Variants in CFAP298 observed in about 807,000 individuals in gnomAD.
CFAP298 encodes the protein cilia and flagella associated protein 298.
Under a neutral mutation model 41.0 loss-of-function variants are expected in CFAP298, and 38 were observed. The ratio of observed to expected loss-of-function variants is 0.93; its 90% CI spans 0.72 to 1.22. The LOEUF (loss-of-function observed/expected upper bound fraction) is 1.22, where lower values mean the gene tolerates loss of function less well. CFAP298 is among the 50% of genes most tolerant of loss of function. CFAP298 has a pLI of 0.00. For missense variants in CFAP298, 348 were observed against 360.3 expected, an observed-to-expected ratio of 0.97 and a Z score of 0.28; for synonymous variants, 137 against 135.3, an observed-to-expected ratio of 1.01 and a Z score of -0.09.
At chr21:32,605,771 C>G (rs2038854795) in intron 3 of CFAP298, among the ~76,000 whole-genome samples, 1 of 152,152 alleles carries the variant, frequency 6.6e-6, no homozygotes, top group South Asian at 2.1e-4. Context: ...CACCCTTTAA[C>G]TTTTAGGTCT....
intron 2 of CFAP298, among the ~76,000 whole-genome samples, chr21:32,609,242 C>G (rs1479275037): frequency 6.6e-6 from 1 of 152,088 alleles, no homozygotes; most frequent in Admixed American, 6.5e-5. Context: ...GACCTGCCAA[C>G]AATTATTAGG....
Position 32,612,156 on chromosome 21 carries a change from G to A in CFAP298, c.88C>T (p.Gln30Ter), listed in dbSNP as rs1402559556. The change falls in exon 1 of 7, where the codon CAG becomes TAG. Residue 30 changes from glutamine (Q) to a stop codon, truncating the protein, a stop_gained. Coordinates refer to ENST00000290155, the MANE Select transcript of CFAP298 (RefSeq NM_021254.4). LOFTEE classifies it high-confidence loss of function. ...GSTELEELTV[Q>*]VARVYNGRLK... ...CGCCCATTATAGACCCGGGCCACCT[G>A]CACCGTGAGCTCCTCCAGCTCGGTA... 1 of 1,587,576 alleles carries A rather than the reference G, an allele frequency of 6.3e-7. No homozygotes were observed. Among genetic ancestry groups the A allele is most frequent in the Non-Finnish European group, 8.6e-7 (1 of 1,167,560 alleles).
rs1039057733 is a variant in CFAP298 at position 32,604,559 on chromosome 21, G to A, written c.376-276C>T. 4 of 402,876 alleles carry A rather than the reference G, an allele frequency of 9.9e-6. No individual in the cohort carries two copies. The East Asian group carries it at 1.9e-4, about 19-fold the overall frequency. The allele number at this position is 402,876 out of a possible 1,614,324, so 25.0% of individuals were successfully genotyped here. ...AGAGCCCAATGCTGGCAGCACAGAT[G>A]GCAGTGAGGATCGGGAGATACGGCA... On this transcript the variant is annotated intron_variant, in intron 3 of 6. Transcript: ENST00000290155.
At chr21:32,609,775 A>T in intron 2 of CFAP298, 63 bp downstream of exon 2, 2 of 1,424,472 alleles carry the variant, frequency 1.4e-6, no homozygotes, top group Non-Finnish European at 1.9e-6. Context: ...AAAAAAAAAA[A>T]GGAACTGTTT....
intron 6 of CFAP298, 31 bp downstream of exon 6, chr21:32,602,241 C>A (rs1273692366): frequency 1.3e-6 from 2 of 1,599,668 alleles, no homozygotes; most frequent in East Asian, 2.2e-5. Context: ...TGGGCGCCAG[C>A]ACTGCAGAAA....
In CFAP298 at chr21:32,604,153, T is replaced by C; in HGVS notation, c.506A>G (p.Glu169Gly). ...PPYDPIRMEF[E>G]NKEDLSGTQA... ...TGTTCCCGACAAGTCTTCCTTATTT[T>C]CAAACTCCATGCGGATGGGATCATA... The change falls in exon 4 of 7, where the codon GAA becomes GGA. Residue 169 changes from glutamate to glycine, a missense_variant. Coordinates refer to ENST00000290155, the MANE Select transcript of CFAP298 (RefSeq NM_021254.4). The C allele has an allele frequency of 6.2e-7, 1 of 1,614,108 alleles. No individual in the cohort carries two copies. The highest frequency in any genetic ancestry group is 1.3e-5 in the African/African-American group (1 of 75,034).
At chr21:32,606,374 C>A (rs1459640196) in intron 3 of CFAP298, among the ~76,000 whole-genome samples, 1 of 152,058 alleles carries the variant, frequency 6.6e-6, no homozygotes, top group African/African-American at 2.4e-5. Context: ...GGAAGAAGAC[C>A]AAGGATAAAA....
chr21:32,611,372 T>C (rs1457840128), intron 1 of CFAP298, among the ~76,000 whole-genome samples: 1 of 141,772 alleles, frequency 7.1e-6, no homozygotes, highest in Non-Finnish European at 1.5e-5. Context: ...ATATATATAA[T>C]TTATTTATAT....
At position 32,609,762 on chromosome 21, in the gene CFAP298, C is replaced by CAAA. The variant is rs567630536; in HGVS notation, c.307+73_307+75dup. The CAAA allele has an allele frequency of 6.5e-5, 71 of 1,096,396 alleles. 1 individual carries two copies. Among genetic ancestry groups the CAAA allele is most frequent in the African/African-American group, 5.1e-4 (29 of 56,868 alleles). 67.9% of individuals were successfully genotyped at this position (1,096,396 alleles called of 1,614,324 possible). A position where few individuals can be genotyped will look rare whatever the true frequency, so the allele number is the denominator to read the frequency against. The stretch of plus-strand genomic sequence containing the variant: ...CCTGGGCTAGAGCAAGAATCCGTCT[C>CAAA]AAAAAAAAAAAAAGGAACTGTTTTC... On this transcript the variant is annotated intron_variant, in intron 2 of 6. Transcript: ENST00000290155.
intron 2 of CFAP298, among the ~76,000 whole-genome samples, 156 bp from the exon 3 acceptor site, chr21:32,607,872 G>A (rs944205595): frequency 2.0e-5 from 3 of 152,170 alleles, no homozygotes; most frequent in East Asian, 1.9e-4. Context: ...CCTGGCTGCC[G>A]GAAGTTAGGT....
chr21:32,602,803 T>C (rs781579878), intron 5 of CFAP298: 20 of 1,363,498 alleles, frequency 1.5e-5, no homozygotes, highest in Non-Finnish European at 1.7e-5. Flanking sequence ...CCTTTCCTCC[T>C]CCCCCTCCTG....
In CFAP298 at chr21:32,610,887, T is replaced by G. The variant is rs139875587; in HGVS notation, c.140-882A>C. On this transcript the variant is annotated intron_variant, in intron 1 of 6. Transcript: ENST00000290155. The stretch of plus-strand genomic sequence containing the variant: ...TAGTTACGTTTGTATATTCTATATA[T>G]ACACGATAGTTATATAAACAGTAAT... 5.9e-5 allele frequency among the ~76,000 whole-genome samples: 9 copies of G among 152,328 alleles called. No homozygotes were observed. In the East Asian group the frequency reaches 1.7e-3, roughly 29 times the overall value.
chr21:32,607,943 C>T (rs2038904341), intron 2 of CFAP298, among the ~76,000 whole-genome samples: 1 of 152,030 alleles, frequency 6.6e-6, no homozygotes. Flanking sequence ...GCAAAGGCTA[C>T]AAAAAACAGA....
At position 32,601,190 on chromosome 21, in the gene CFAP298, TCTAGTGGTCA is replaced by T. The variant is rs920833966; in HGVS notation, c.*663_*672del. On this transcript the variant is annotated 3_prime_UTR_variant, in exon 7 of 7. Transcript: ENST00000290155. ...AAAGCATGCTGAGTGCCTGGCGGCA[TCTAGTGGTCA>T]CTAGTGGTCACTGCCAGTCATCAGC... is the stretch of plus-strand genomic sequence containing the variant. 9.9e-5 allele frequency among the ~76,000 whole-genome samples: 15 copies of T among 151,716 alleles called. No individual in the cohort carries two copies. The highest frequency in any genetic ancestry group is 2.7e-4 in the African/African-American group (11 of 41,296).
At chr21:32,602,069 T>C in intron 6 of CFAP298, 96 bp from the exon 7 acceptor site, 1 of 904,446 alleles carries the variant, frequency 1.1e-6, no homozygotes. Flanking sequence ...CCTCCCCCTC[T>C]CCCTGCCCTC....
intron 6 of CFAP298, 140 bp downstream of exon 6, chr21:32,602,132 G>C: frequency 2.2e-6 from 2 of 923,160 alleles, no homozygotes; most frequent in Non-Finnish European, 3.4e-6. Flanking sequence ...GCAGGACCCC[G>C]ACAGACCTGC....
At chr21:32,607,197 C>T (rs1445489532) in intron 3 of CFAP298, among the ~76,000 whole-genome samples, 3 of 152,176 alleles carry the variant, frequency 2.0e-5, no homozygotes, top group African/African-American at 7.2e-5. Flanking sequence ...GGAAAAGCTA[C>T]AGCCTACCCC....
rs1024393207 is a variant in CFAP298 at position 32,601,508 on chromosome 21, T to C, written c.*355A>G. ...GAGACGGGGTTTCACCGTGTTAGCC[T>C]GGATGGTCTTGATCTCCTGACCTCG... On this transcript the variant is annotated 3_prime_UTR_variant, in exon 7 of 7. Coordinates refer to ENST00000290155, the MANE Select transcript of CFAP298 (RefSeq NM_021254.4). Among the ~76,000 whole-genome samples the C allele has an allele frequency of 6.6e-6, 1 of 151,816 alleles. No homozygotes were observed. The highest frequency in any genetic ancestry group is 2.4e-5 in the African/African-American group (1 of 41,320).
intron 3 of CFAP298, chr21:32,604,513 C>A (rs1387119953): frequency 3.8e-6 from 2 of 521,314 alleles, no homozygotes; most frequent in East Asian, 3.3e-5. Context: ...CAATGAAGTG[C>A]AAAGAATTCT....
Sources: allele counts gnomAD v4.1 joint callset (sites outside exome capture counted in the v4.1 genomes callset), GRCh38; gene constraint gnomAD v4.1.1; transcripts MANE v1.5; gene names NCBI Gene and HGNC (gene_info 2026-07-23, HGNC 2026-07-21).